CNTN5: variants seen among roughly 807,000 people sequenced by gnomAD.
CNTN5 encodes contactin 5, also known as contactin-5.
Under a neutral mutation model 129.1 loss-of-function variants are expected in CNTN5, and 77 were observed. That is an observed-to-expected ratio of 0.60 (90% CI 0.50 to 0.72). The LOEUF (loss-of-function observed/expected upper bound fraction) is 0.72. CNTN5 is among the 30% of genes least tolerant of loss of function. The pLI is 0.00. For synonymous variants in CNTN5, 509 were observed against 465.6 expected, an observed-to-expected ratio of 1.09 and a Z score of -1.20; for missense variants, 1,478 against 1,328.8, an observed-to-expected ratio of 1.11 and a Z score of -1.75.
chr11:99,787,683 A>G (rs1009057539), intron 3 of CNTN5, among the ~76,000 whole-genome samples: 3 of 152,078 alleles, frequency 2.0e-5, no homozygotes, highest in Admixed American at 6.6e-5. Flanking sequence ...ATGTTACCAG[A>G]TATGAGTCAA....
At chr11:99,868,605 A>G (rs1317600279) in intron 6 of CNTN5, among the ~76,000 whole-genome samples, 2 of 152,168 alleles carry the variant, frequency 1.3e-5, no homozygotes, top group Non-Finnish European at 2.9e-5. Flanking sequence ...TTGGTTCCCA[A>G]CTTTGAAGAG....
chr11:99,613,320 G>C (rs568172646), intron 3 of CNTN5, among the ~76,000 whole-genome samples: 2 of 152,122 alleles, frequency 1.3e-5, no homozygotes, highest in Non-Finnish European at 2.9e-5. Context: ...GGCTCTTCCC[G>C]GCTTCGCTGG....
At chr11:99,571,003 G>A (rs2135576768) in intron 3 of CNTN5, among the ~76,000 whole-genome samples, 1 of 152,280 alleles carries the variant, frequency 6.6e-6, no homozygotes, top group Admixed American at 6.5e-5. Flanking sequence ...ACAGATGAGA[G>A]AAGAATCAAT....
At chr11:99,240,115 A>G (rs1861475285) in intron 1 of CNTN5, among the ~76,000 whole-genome samples, 1 of 152,088 alleles carries the variant, frequency 6.6e-6, no homozygotes, top group Admixed American at 6.6e-5. Context: ...TGTCTTTATC[A>G]TTGTCTATTA....
At chr11:99,886,177 T>C (rs1271710482) in intron 6 of CNTN5, among the ~76,000 whole-genome samples, 2 of 152,054 alleles carry the variant, frequency 1.3e-5, no homozygotes, top group African/African-American at 2.4e-5. Flanking sequence ...AAAACTAAGA[T>C]GTTTCACTGT....
At chr11:99,137,347 G>C (rs1893151) in intron 1 of CNTN5, among the ~76,000 whole-genome samples, 22,170 of 152,124 alleles carry the variant, frequency 0.15, 2,045 homozygotes, top group East Asian at 0.41. Flanking sequence ...AAAATTGTCA[G>C]ATCCATTAGA....
At chr11:100,040,778 G>A (rs1366768121) in intron 9 of CNTN5, among the ~76,000 whole-genome samples, 3 of 152,218 alleles carry the variant, frequency 2.0e-5, no homozygotes, top group Admixed American at 6.5e-5. Context: ...TCCTAGCCAA[G>A]TGCGGGATAT....
Position 99,975,124 on chromosome 11 carries a change from A to G in CNTN5, c.877+18115A>G, listed in dbSNP as rs1189773259. Among the ~76,000 whole-genome samples, 5 of 152,400 alleles carry G rather than the reference A, an allele frequency of 3.3e-5. No individual in the cohort carries two copies. In the East Asian group the frequency reaches 5.8e-4, roughly 18 times the overall value. On this transcript the variant is annotated intron_variant, in intron 8 of 24. Transcript: ENST00000524871. Reference sequence around the variant, plus strand: ...TGTTTAAATAAAAGACATAGCCTCAAGAAGCTTTTAGAGAATTGGAAATTT... The same window carrying G: ...TGTTTAAATAAAAGACATAGCCTCAGGAAGCTTTTAGAGAATTGGAAATTT...
chr11:100,298,173 G>T (rs1483066260), intron 19 of CNTN5, among the ~76,000 whole-genome samples: 1 of 151,226 alleles, frequency 6.6e-6, no homozygotes, highest in Non-Finnish European at 1.5e-5. Context: ...ATATAGAAAT[G>T]GAAATGCCTG....
At chr11:99,441,936 T>C (rs1351463747) in intron 2 of CNTN5, among the ~76,000 whole-genome samples, 2 of 152,134 alleles carry the variant, frequency 1.3e-5, no homozygotes, top group African/African-American at 2.4e-5. Context: ...GTTCTCTGCC[T>C]CCGTACTATT....
chr11:99,415,159 A>T (rs1942593573), intron 2 of CNTN5, among the ~76,000 whole-genome samples: 1 of 152,166 alleles, frequency 6.6e-6, no homozygotes, highest in African/African-American at 2.4e-5. Context: ...AACAAAAAGG[A>T]GGTTAACAGG....
intron 1 of CNTN5, among the ~76,000 whole-genome samples, chr11:99,144,546 T>C (rs1388241018): frequency 6.6e-6 from 1 of 152,170 alleles, no homozygotes; most frequent in African/African-American, 2.4e-5. Context: ...CCTCTCCTCC[T>C]GGAACTCCCA....
intron 3 of CNTN5, among the ~76,000 whole-genome samples, chr11:99,734,425 G>A (rs547177551): frequency 2.1e-4 from 32 of 152,150 alleles, no homozygotes; most frequent in South Asian, 6.2e-4. Flanking sequence ...AGGTGTCATC[G>A]TATCATCTCA....
At chr11:99,302,500 C>T (rs1864688023) in intron 1 of CNTN5, among the ~76,000 whole-genome samples, 1 of 151,576 alleles carries the variant, frequency 6.6e-6, no homozygotes, top group African/African-American at 2.4e-5. Flanking sequence ...AAATGGTATG[C>T]TGTTTATATT....
At chr11:99,790,199 G>A (rs1945689985) in intron 3 of CNTN5, among the ~76,000 whole-genome samples, 2 of 151,910 alleles carry the variant, frequency 1.3e-5, no homozygotes, top group Admixed American at 1.3e-4. Context: ...TTTATTTTAG[G>A]TTCAGGGGTA....
At chr11:99,728,748 C>T (rs2135081778) in intron 3 of CNTN5, among the ~76,000 whole-genome samples, 1 of 152,154 alleles carries the variant, frequency 6.6e-6, no homozygotes, top group East Asian at 1.9e-4. Flanking sequence ...CCTTGGATGT[C>T]AGCTTTGCTG....
chr11:99,176,271 T>C (rs1857767912), intron 1 of CNTN5, among the ~76,000 whole-genome samples: 1 of 152,158 alleles, frequency 6.6e-6, no homozygotes, highest in South Asian at 2.1e-4. Flanking sequence ...TAAGAGACAT[T>C]GAAGACTTTC....
intron 2 of CNTN5, among the ~76,000 whole-genome samples, chr11:99,553,392 C>A (rs1238651989): frequency 1.3e-5 from 2 of 151,772 alleles, no homozygotes; most frequent in African/African-American, 2.4e-5. Context: ...CTAGTAGGAA[C>A]CTAATATATG....
chr11:99,627,051 C>T (rs570984775), intron 3 of CNTN5, among the ~76,000 whole-genome samples: 5 of 152,026 alleles, frequency 3.3e-5, no homozygotes, highest in Non-Finnish European at 7.4e-5. Context: ...ACATTCAAGG[C>T]TTGGAAGGGA....
Sources: gnomAD v4.1 joint callset for allele counts (sites outside exome capture counted in the v4.1 genomes callset) on GRCh38, gnomAD v4.1.1 for gene constraint, MANE v1.5 for transcripts, NCBI Gene and HGNC (gene_info 2026-07-23, HGNC 2026-07-21) for gene names.